Variants in CELF2 observed in about 807,000 individuals in gnomAD.
CELF2 encodes the protein CUG triplet repeat RNA-binding protein 2.
A neutral mutation model predicts 62.6 loss-of-function variants in CELF2; 8 were observed. The observed-to-expected ratio is 0.13, with a 90% CI of 0.07 to 0.23. The LOEUF (loss-of-function observed/expected upper bound fraction) is 0.23. Among genes scored for constraint, CELF2 ranks in the 10% least tolerant of loss-of-function variants. The pLI is 1.00. For missense variants in CELF2, 333 were observed against 671.0 expected, an observed-to-expected ratio of 0.50 and a Z score of 5.56; for synonymous variants, 258 against 250.0, an observed-to-expected ratio of 1.03 and a Z score of -0.30.
the CELF2 span, among the ~76,000 whole-genome samples, chr10:10,654,297 G>A: frequency 8.9e-6 from 1 of 112,078 alleles, no homozygotes; most frequent in East Asian, 2.2e-4. Flanking sequence ...GTACAAGGAG[G>A]AACTGGTACC....
the CELF2 span, among the ~76,000 whole-genome samples, chr10:10,703,086 A>G: frequency 6.6e-6 from 1 of 152,198 alleles, no homozygotes; most frequent in African/African-American, 2.4e-5. Flanking sequence ...ACTTCTTCAG[A>G]ACCTGCAGGT....
chr10:10,534,395 A>G, the CELF2 span, among the ~76,000 whole-genome samples: 4 of 152,172 alleles, frequency 2.6e-5, no homozygotes, highest in Non-Finnish European at 4.4e-5. Flanking sequence ...GTTTGCTGAT[A>G]GGGACAAAGA....
chr10:10,649,829 G>A, the CELF2 span, among the ~76,000 whole-genome samples: 4 of 152,168 alleles, frequency 2.6e-5, no homozygotes, highest in Non-Finnish European at 4.4e-5. Flanking sequence ...ACTTGCTTTC[G>A]AGGACAGAGT....
At chr10:10,534,626 T>C in the CELF2 span, among the ~76,000 whole-genome samples, 37 of 152,300 alleles carry the variant, frequency 2.4e-4, no homozygotes, top group African/African-American at 5.8e-4. Flanking sequence ...TCCTCACTTA[T>C]CTGTAGTTCT....
At chr10:10,481,149 C>G in the CELF2 span, among the ~76,000 whole-genome samples, 1 of 152,134 alleles carries the variant, frequency 6.6e-6, no homozygotes, top group African/African-American at 2.4e-5. Context: ...CTTATTTAGT[C>G]TAAATAATTG....
chr10:11,317,851 G>A (rs529983373), intron 10 of CELF2: 26 of 152,348 alleles, frequency 1.7e-4, no homozygotes, highest in African/African-American at 6.3e-4. Flanking sequence ...CAGGTGCAGA[G>A]GCCTTGCTGC....
the CELF2 span, among the ~76,000 whole-genome samples, chr10:10,573,741 T>C: frequency 0.25 from 37,846 of 150,092 alleles, 4,894 homozygotes; most frequent in African/African-American, 0.32. Context: ...TTTTATTTGA[T>C]CAAGTTTCAA....
At chr10:11,222,591 T>C (rs2065192323) in intron 3 of CELF2, among the ~76,000 whole-genome samples, 1 of 152,230 alleles carries the variant, frequency 6.6e-6, no homozygotes, top group African/African-American at 2.4e-5. Flanking sequence ...GTTTATTGTT[T>C]GCCAGGCACT....
intron 4 of CELF2, among the ~76,000 whole-genome samples, chr10:11,257,001 A>G (rs56168975): frequency 0.22 from 33,455 of 151,884 alleles, 3,907 homozygotes; most frequent in Middle Eastern, 0.3. Context: ...GTGTTTCTCC[A>G]GCAGCAGCCG....
At chr10:10,722,627 A>G in the CELF2 span, among the ~76,000 whole-genome samples, 7 of 152,372 alleles carry the variant, frequency 4.6e-5, no homozygotes, top group Middle Eastern at 0.01. Flanking sequence ...TTTCAAGAAT[A>G]GAATGTTATA....
At chr10:10,998,560 A>T (rs2136927493) in intron 2 of CELF2, among the ~76,000 whole-genome samples, 1 of 152,162 alleles carries the variant, frequency 6.6e-6, no homozygotes, top group Non-Finnish European at 1.5e-5. Flanking sequence ...GCTTCCAGTG[A>T]TTTGTTTTTA....
Position 11,008,129 on chromosome 10 carries a change from T to A in CELF2, c.53+2689T>A, listed in dbSNP as rs1293294657. On this transcript the variant is annotated intron_variant, in intron 1 of 12. Coordinates refer to the CELF2 transcript ENST00000416382. The surrounding 1 kb of genome is among the most constrained non-coding windows in gnomAD (Gnocchi z 4.5). ...CACAACAGGAACAGGATACGTAATC[T>A]GTATCCTTCCATAAGCCTCTATATG... Among the ~76,000 whole-genome samples, 1 of 152,248 alleles carries A rather than the reference T, an allele frequency of 6.6e-6. No individual in the cohort carries two copies. Among genetic ancestry groups the A allele is most frequent in the Non-Finnish European group, 1.5e-5 (1 of 68,040 alleles).
At chr10:10,686,314 G>GGT in the CELF2 span, among the ~76,000 whole-genome samples, 25 of 65,742 alleles carry the variant, frequency 3.8e-4, no homozygotes, top group East Asian at 1.0e-2. Context: ...ATTTTTTGGG[G>GGT]GGGGGGGTGG....
At chr10:11,116,091 G>A (rs558425106) in intron 1 of CELF2, among the ~76,000 whole-genome samples, 3 of 152,242 alleles carry the variant, frequency 2.0e-5, no homozygotes, top group Non-Finnish European at 1.5e-5. Context: ...GACAGTATTC[G>A]TAATTTCTCG....
intron 1 of CELF2, among the ~76,000 whole-genome samples, chr10:10,899,865 C>A (rs765849814): frequency 2.9e-4 from 44 of 152,276 alleles, no homozygotes; most frequent in Non-Finnish European, 5.0e-4. Flanking sequence ...GAAATCTGCC[C>A]CCATGATCCA....
chr10:10,861,801 C>T, intron 1 of CELF2, among the ~76,000 whole-genome samples: 1 of 152,154 alleles, frequency 6.6e-6, no homozygotes, highest in Non-Finnish European at 1.5e-5. Context: ...TTATTCATGT[C>T]CTTGAGTTTG....
intron 1 of CELF2, among the ~76,000 whole-genome samples, chr10:11,088,947 G>T (rs1394207219): frequency 2.0e-5 from 3 of 152,238 alleles, no homozygotes; most frequent in Non-Finnish European, 2.9e-5. Context: ...TGAAGCACAT[G>T]CAAGCCTCTC....
intron 2 of CELF2, among the ~76,000 whole-genome samples, chr10:10,985,329 A>G (rs2052614561): frequency 6.9e-6 from 1 of 144,480 alleles, no homozygotes. Flanking sequence ...AGCTATTAGA[A>G]GTAAAAAAAA....
chr10:10,902,363 C>A (rs1430905029), intron 1 of CELF2, among the ~76,000 whole-genome samples: 1 of 152,180 alleles, frequency 6.6e-6, no homozygotes, highest in Non-Finnish European at 1.5e-5. Context: ...AGAAAAATAT[C>A]GACACATAGG....
Sources: gnomAD v4.1 joint callset for allele counts (sites outside exome capture counted in the v4.1 genomes callset) on GRCh38, gnomAD v4.1.1 for gene constraint, Gnocchi (gnomAD v3.1) non-coding constraint, MANE v1.5 for transcripts, NCBI Gene and HGNC (gene_info 2026-07-23, HGNC 2026-07-21) for gene names.